Variants in SUGP1 observed in about 807,000 individuals in gnomAD.
The protein encoded by SUGP1 is SURP and G-patch domain containing 1.
Under a neutral mutation model 76.5 loss-of-function variants are expected in SUGP1, and 34 were observed. That is an observed-to-expected ratio of 0.44 (90% confidence interval 0.34 to 0.59). The LOEUF is 0.59. SUGP1 is among the 20% of genes least tolerant of loss of function. The probability of loss-of-function intolerance (pLI) is 0.01; values close to 1 mark genes in which losing one functional copy is unlikely to be tolerated. For synonymous variants in SUGP1, 326 were observed against 326.2 expected, an observed-to-expected ratio of 1.00 and a Z score of 0.01; for missense variants, 752 against 851.7, an observed-to-expected ratio of 0.88 and a Z score of 1.46.
At chr19:19,291,404 A>C (rs1319431474) in intron 8 of SUGP1, among the ~76,000 whole-genome samples, 1 of 152,180 alleles carries the variant, frequency 6.6e-6, no homozygotes, top group Admixed American at 6.5e-5. Flanking sequence ...GAAATGAAGG[A>C]GGGGCTGTAA....
At chr19:19,318,080 GA>G (rs1405773085) in intron 1 of SUGP1, among the ~76,000 whole-genome samples, 1 of 150,530 alleles carries the variant, frequency 6.6e-6, no homozygotes, top group Non-Finnish European at 1.5e-5. Context: ...CAAAGCGCTG[GA>G]ATTACAGGCG....
At chr19:19,306,120 A>G (rs2061316338) in intron 3 of SUGP1, 44 bp from the exon 4 acceptor site, 1 of 1,467,128 alleles carries the variant, frequency 6.8e-7, no homozygotes, top group Non-Finnish European at 9.1e-7. Context: ...TCTGCAGGGC[A>G]CCTCTCCCGG....
intron 8 of SUGP1, among the ~76,000 whole-genome samples, chr19:19,282,047 T>C (rs890873566): frequency 2.6e-5 from 4 of 152,208 alleles, no homozygotes; most frequent in Non-Finnish European, 5.9e-5. Flanking sequence ...TGGTGCGATC[T>C]TGGCTCACTG....
chr19:19,304,070 T>A, intron 4 of SUGP1: 2 of 1,520,458 alleles, frequency 1.3e-6, no homozygotes, highest in Non-Finnish European at 8.8e-7. Context: ...TGTGTGAGGC[T>A]GTGGTGAGCT....
At chr19:19,289,738 ACT>A (rs1433861595) in intron 8 of SUGP1, among the ~76,000 whole-genome samples, 1 of 152,054 alleles carries the variant, frequency 6.6e-6, no homozygotes, top group Non-Finnish European at 1.5e-5. Context: ...ACAGAGGGAG[ACT>A]CTGCCTCAAA....
intron 8 of SUGP1, among the ~76,000 whole-genome samples, chr19:19,294,869 G>A (rs1174319841): frequency 6.6e-6 from 1 of 151,636 alleles, no homozygotes; most frequent in Admixed American, 6.6e-5. Context: ...TGCATCAAAA[G>A]ACGCTATTAC....
Position 19,304,880 on chromosome 19 carries a change from T to G in SUGP1, c.538+969A>C, listed in dbSNP as rs190845249. On this transcript the variant is annotated intron_variant, in intron 4 of 13. Transcript: ENST00000247001. ...AGCATTCCGTGACTGTCTTTCACCC[T>G]AGGTCGCCCTCCTGCCATGGGCCCA... 2.0e-4 allele frequency among the ~76,000 whole-genome samples: 31 copies of G among 152,252 alleles called. 1 individual carries two copies. The East Asian group carries it at 4.6e-3, about 23-fold the overall frequency.
intron 8 of SUGP1, among the ~76,000 whole-genome samples, chr19:19,296,313 T>C (rs2061224921): frequency 2.0e-5 from 3 of 151,968 alleles, no homozygotes; most frequent in East Asian, 1.9e-4. Flanking sequence ...CACAGCACTT[T>C]GGGAGGCTGA....
intron 13 of SUGP1, 118 bp from the exon 14 acceptor site, chr19:19,276,792 TTGGGGGACGGG>T (rs2061052873): frequency 6.4e-7 from 1 of 1,561,212 alleles, no homozygotes; most frequent in Middle Eastern, 1.7e-4. Flanking sequence ...CAGGGCAGGC[TTGGGGGACGGG>T]TGGGGGCTTG....
At chr19:19,286,308 C>A (rs1599848949) in intron 8 of SUGP1, among the ~76,000 whole-genome samples, 1 of 152,090 alleles carries the variant, frequency 6.6e-6, no homozygotes, top group African/African-American at 2.4e-5. Flanking sequence ...TCGTAAAAAC[C>A]CTCAAGGCTC....
chr19:19,303,821 G>A lies in SUGP1; in HGVS notation c.565C>T (p.Arg189Trp), dbSNP rs367575240. 86 of 1,613,998 alleles carry A rather than the reference G, an allele frequency of 5.3e-5. No homozygotes were observed. The highest frequency in any genetic ancestry group is 2.0e-4 in the Admixed American group (12 of 59,992). Reference protein sequence around the residue: ...KVSPPEGAETRKVIEKLARFV... With the variant: ...KVSPPEGAETWKVIEKLARFV... ...CGGGCCAATTTCTCTATCACTTTCC[G>A]AGTCTCGGCTCCCTCTGGGGGTGAA... The change falls in exon 5 of 14, where the codon CGG becomes TGG. Residue 189 changes from arginine to tryptophan, a missense_variant. Arg to Trp is a moderately radical substitution (Grantham distance 101). Coordinates refer to ENST00000247001, the MANE Select transcript of SUGP1 (RefSeq NM_172231.4).
chr19:19,289,405 C>A (rs1260958463), intron 8 of SUGP1, among the ~76,000 whole-genome samples: 1 of 151,782 alleles, frequency 6.6e-6, no homozygotes, highest in East Asian at 2.0e-4. Flanking sequence ...AGTTTGAGAC[C>A]AGCCTAGCCT....
At position 19,297,004 on chromosome 19, in the gene SUGP1, G is replaced by A; in HGVS notation, c.1228C>T (p.Pro410Ser). ...ELVQRDVDAS[P>S]SPLSVQDLKG... ...GTCTGCCCACCTGACAGAGGCGAGG[G>A]AGAGGCATCCACGTCCCTCTGCACC... The change falls in exon 8 of 14, where the codon CCC becomes TCC. Residue 410 changes from proline to serine, a missense_variant. By Grantham distance (74) the Pro-to-Ser change is moderately conservative (BLOSUM62 -1). Around this residue, in one of 2 missense-constraint regions of SUGP1, gnomAD observed 620 missense variants for 617.3 expected, o/e 1.00. Transcript: ENST00000247001. 4.4e-6 allele frequency: 7 copies of A among 1,582,750 alleles called. No homozygotes were observed. Among genetic ancestry groups the A allele is most frequent in the Non-Finnish European group, 6.0e-6 (7 of 1,158,082 alleles).
At chr19:19,278,394 G>A (rs1248307869) in intron 11 of SUGP1, among the ~76,000 whole-genome samples, 1 of 152,188 alleles carries the variant, frequency 6.6e-6, no homozygotes, top group East Asian at 1.9e-4. Flanking sequence ...GCCAGTCCGT[G>A]GGGACTTCTG....
rs775586104 is a variant in SUGP1 at position 19,277,802 on chromosome 19, C to T, written c.1713G>A (p.Met571Ile). 4 of 1,614,084 alleles carry T rather than the reference C, an allele frequency of 2.5e-6. No individual in the cohort carries two copies. The highest frequency in any genetic ancestry group is 3.4e-6 in the Non-Finnish European group (4 of 1,179,974). Residue 571 changes from methionine to isoleucine, a missense_variant, in exon 12 of 14, where the codon ATG becomes ATA. Physicochemically the swap from Met to Ile is conservative, Grantham distance 10. Transcript: ENST00000247001. ...TVENIGYQML[M>I]KMGWKEGEGL... ...CCTCGCCCTCCTTCCAGCCCATCTT[C>T]ATCAGCATCTGGTAGCCGATGTTCT...
Position 19,277,808 on chromosome 19 carries a change from C to A in SUGP1, c.1707G>T (p.Met569Ile). Residue 569 changes from methionine (M) to isoleucine (I), a missense_variant, in exon 12 of 14, where the codon ATG becomes ATT. Met to Ile is a conservative substitution (Grantham distance 10, BLOSUM62 1). Around this residue, in one of 2 missense-constraint regions of SUGP1, gnomAD observed 132 missense variants for 234.4 expected, o/e 0.56. Coordinates refer to ENST00000247001, the MANE Select transcript of SUGP1 (RefSeq NM_172231.4). Reference protein sequence around the residue: ...KLTVENIGYQMLMKMGWKEGE... With the variant: ...KLTVENIGYQILMKMGWKEGE... ...CCTCCTTCCAGCCCATCTTCATCAG[C>A]ATCTGGTAGCCGATGTTCTCCACAG... The A allele has an allele frequency of 6.2e-7, 1 of 1,614,126 alleles. No individual in the cohort carries two copies. The highest frequency in any genetic ancestry group is 8.5e-7 in the Non-Finnish European group (1 of 1,179,996).
At chr19:19,284,252 G>A (rs1290490229) in intron 8 of SUGP1, among the ~76,000 whole-genome samples, 1 of 152,104 alleles carries the variant, frequency 6.6e-6, no homozygotes, top group Non-Finnish European at 1.5e-5. Flanking sequence ...CCTAGAGTGT[G>A]CCATTGCACT....
intron 3 of SUGP1, among the ~76,000 whole-genome samples, chr19:19,308,978 T>A (rs1156505499): frequency 1.3e-5 from 2 of 152,112 alleles, no homozygotes; most frequent in African/African-American, 4.8e-5. Flanking sequence ...CCGATTCCCC[T>A]GCCTCAGCCT....
chr19:19,279,516 G>T (rs1047392595), intron 9 of SUGP1, 126 bp from the exon 10 acceptor site: 3 of 1,050,622 alleles, frequency 2.9e-6, no homozygotes, highest in Non-Finnish European at 4.1e-6. Flanking sequence ...CCCCTGGGCA[G>T]GACTGGAGCA....
Sources: gnomAD v4.1 joint callset for allele counts (sites outside exome capture counted in the v4.1 genomes callset) on GRCh38, gnomAD v4.1.1 for gene constraint, gnomAD v4.1.1 regional missense constraint, MANE v1.5 for transcripts, NCBI Gene and HGNC (gene_info 2026-07-23, HGNC 2026-07-21) for gene names.